The following ERC2 variants were observed in gnomAD, a reference collection of about 807,000 sequenced individuals.
ERC2 encodes the protein ELKS/RAB6-interacting/CAST family member 2, also known as ERC protein 2.
In ERC2, 42 loss-of-function variants were observed where a neutral mutation model predicts 114.8. That is an observed-to-expected ratio of 0.37 (90% CI 0.29 to 0.47). The LOEUF (loss-of-function observed/expected upper bound fraction) is 0.47. Ranked by LOEUF, ERC2 falls within the 20% of genes least tolerant of loss-of-function variation. The pLI is 0.99. For synonymous variants in ERC2, 454 were observed against 425.5 expected (o/e 1.07, Z -0.82); for missense variants, 939 against 1,150.7 (o/e 0.82, Z 2.66).
At chr3:55,663,851 G>A (rs966081131) in intron 17 of ERC2, among the ~76,000 whole-genome samples, 9 of 152,178 alleles carry the variant, frequency 5.9e-5, no homozygotes, top group Non-Finnish European at 1.0e-4. Context: ...AGGAATGCAA[G>A]GAACCCTGTT....
chr3:56,129,007 A>G (rs1000975081), intron 6 of ERC2, among the ~76,000 whole-genome samples: 2 of 152,214 alleles, frequency 1.3e-5, no homozygotes, highest in African/African-American at 4.8e-5. Context: ...ATGCAATAAA[A>G]TAAATTTCAC....
intron 3 of ERC2, among the ~76,000 whole-genome samples, chr3:56,262,804 A>G (rs1246885999): frequency 6.6e-6 from 1 of 152,218 alleles, no homozygotes; most frequent in Non-Finnish European, 1.5e-5. Flanking sequence ...TTTGGTATCA[A>G]TTGGTTCCAA....
intron 13 of ERC2, among the ~76,000 whole-genome samples, chr3:55,890,382 A>G (rs766474329): frequency 6.6e-6 from 1 of 152,120 alleles, no homozygotes; most frequent in South Asian, 2.1e-4. Context: ...TTTCTGTCAT[A>G]AATCGTTCTT....
chr3:55,515,484 C>T (rs1428685019), intron 17 of ERC2, among the ~76,000 whole-genome samples: 5 of 152,014 alleles, frequency 3.3e-5, no homozygotes, highest in Non-Finnish European at 2.9e-5. Context: ...TCTCCTGCCT[C>T]AGCCTCCCAA....
chr3:55,918,704 A>G lies in ERC2; in HGVS notation c.2404-30155T>C, dbSNP rs76694526. 4.0e-4 allele frequency among the ~76,000 whole-genome samples: 61 copies of G among 151,784 alleles called. 1 individual carries two copies. The East Asian group carries it at 0.011, about 27-fold the overall frequency. On this transcript the variant is annotated intron_variant, in intron 13 of 17. Coordinates refer to ENST00000288221, the MANE Select transcript of ERC2 (RefSeq NM_015576.3). ...AAGCTGATCCACCCTATCATAGGATAAGAAGCCATATGGAGATCTGAAGTG... is the reference window on the plus strand; with the variant it reads ...AAGCTGATCCACCCTATCATAGGATGAGAAGCCATATGGAGATCTGAAGTG...
intron 7 of ERC2, among the ~76,000 whole-genome samples, chr3:56,024,112 G>C (rs1252085984): frequency 6.6e-6 from 1 of 152,178 alleles, no homozygotes; most frequent in Non-Finnish European, 1.5e-5. Flanking sequence ...TAGAGTATCA[G>C]TTAATGTTAT....
At chr3:56,226,504 T>C (rs1346579531) in intron 3 of ERC2, among the ~76,000 whole-genome samples, 1 of 152,166 alleles carries the variant, frequency 6.6e-6, no homozygotes, top group East Asian at 1.9e-4. Flanking sequence ...CAGTGTGCTA[T>C]GACATTGTCA....
chr3:55,875,257 AG>A (rs1340949859), intron 14 of ERC2, among the ~76,000 whole-genome samples: 3 of 152,242 alleles, frequency 2.0e-5, no homozygotes, highest in African/African-American at 7.2e-5. Flanking sequence ...CTCAGGGCTC[AG>A]TGAACTGAAC....
intron 17 of ERC2, among the ~76,000 whole-genome samples, chr3:55,561,853 G>A (rs1260830228): frequency 6.6e-6 from 1 of 152,076 alleles, no homozygotes; most frequent in Non-Finnish European, 1.5e-5. Flanking sequence ...GTCATGAATG[G>A]GCACAGAACC....
intron 6 of ERC2, among the ~76,000 whole-genome samples, chr3:56,096,523 G>A (rs1236123505): frequency 2.6e-5 from 4 of 152,104 alleles, no homozygotes; most frequent in Non-Finnish European, 5.9e-5. Flanking sequence ...AAAAAAGGGT[G>A]AATGTACTAA....
At chr3:56,270,904 C>T (rs960216687) in intron 3 of ERC2, among the ~76,000 whole-genome samples, 1 of 152,148 alleles carries the variant, frequency 6.6e-6, no homozygotes, top group Non-Finnish European at 1.5e-5. Context: ...ATGGCATGAA[C>T]CCAGAAGGCA....
intron 17 of ERC2, among the ~76,000 whole-genome samples, chr3:55,666,731 A>G (rs868354343): frequency 2.4e-4 from 37 of 152,128 alleles, no homozygotes; most frequent in Middle Eastern, 6.8e-3. Context: ...CAAGACAAAG[A>G]AGTATCCAGC....
rs746322376 is a variant in ERC2 at position 56,434,798 on chromosome 3, C to A, written c.210G>T (p.Val70=). The A allele has an allele frequency of 6.2e-7, 1 of 1,613,912 alleles. No individual in the cohort carries two copies. Among genetic ancestry groups the A allele is most frequent in the Admixed American group, 1.7e-5 (1 of 60,020 alleles). Residue 70 remains valine, a synonymous_variant, in exon 2 of 18, where the codon GTG becomes GTT. Transcript: ENST00000288221. ...GPMYLSDHEG[V]ASTTYPKGTM... Reference sequence around the variant, plus strand: ...TGCCCTTTGGGTAGGTTGTTGAAGCCACCCCTTCATGATCACTCAGATACA... The same window carrying A: ...TGCCCTTTGGGTAGGTTGTTGAAGCAACCCCTTCATGATCACTCAGATACA...
At chr3:56,217,271 T>C (rs1293136290) in intron 3 of ERC2, among the ~76,000 whole-genome samples, 1 of 152,186 alleles carries the variant, frequency 6.6e-6, no homozygotes, top group Admixed American at 6.5e-5. Flanking sequence ...CTCCTTAAGC[T>C]GATAAGCAAC....
chr3:56,264,198 TACTC>T (rs1443514225), intron 3 of ERC2, among the ~76,000 whole-genome samples: 7 of 152,200 alleles, frequency 4.6e-5, no homozygotes, highest in Admixed American at 1.3e-4. Flanking sequence ...GCTAATATCA[TACTC>T]AATGGGGAAA....
rs368085683 is a variant in ERC2 at position 55,712,932 on chromosome 3, G to A, written c.2713-13420C>T. Among the ~76,000 whole-genome samples, 21 of 152,182 alleles carry A rather than the reference G, an allele frequency of 1.4e-4. No individual in the cohort carries two copies. In the South Asian group the frequency reaches 4.2e-3, roughly 30 times the overall value. On this transcript the variant is annotated intron_variant, in intron 15 of 17. Coordinates refer to ENST00000288221, the MANE Select transcript of ERC2 (RefSeq NM_015576.3). ...CCTTTGAGAGAATTCTTTGAATAAA[G>A]CCTGAAACTAAGTCTTCACATGTGT... is the stretch of plus-strand genomic sequence containing the variant.
At chr3:55,996,406 CT>C (rs1341297220) in intron 10 of ERC2, among the ~76,000 whole-genome samples, 2 of 152,142 alleles carry the variant, frequency 1.3e-5, no homozygotes, top group African/African-American at 4.8e-5. Flanking sequence ...AATAAGCATT[CT>C]TTCATTAATA....
rs529025335 is a variant in ERC2 at position 55,642,341 on chromosome 3, T to C, written c.*39+41453A>G. Among the ~76,000 whole-genome samples the C allele has an allele frequency of 1.9e-3, 93 of 48,686 alleles. 1 individual carries two copies. The highest frequency in any genetic ancestry group is 3.4e-3 in the African/African-American group (84 of 24,406). 31.9% of individuals were successfully genotyped at this position (48,686 alleles called of 152,430 possible). ...AGCTTTTTTTTTTTTCTTTTCTTTT[T>C]TTTTTTCTTTTTTGACAGAGTCTTG... is the stretch of plus-strand genomic sequence containing the variant. On this transcript the variant is annotated intron_variant, in intron 17 of 17. Coordinates refer to ENST00000288221, the MANE Select transcript of ERC2 (RefSeq NM_015576.3).
intron 13 of ERC2, among the ~76,000 whole-genome samples, chr3:55,906,809 T>A (rs1233621147): frequency 6.6e-6 from 1 of 152,202 alleles, no homozygotes; most frequent in Non-Finnish European, 1.5e-5. Context: ...CCCATGTTGA[T>A]GAGTGTTTCT....
Sources: allele counts gnomAD v4.1 joint callset (sites outside exome capture counted in the v4.1 genomes callset), GRCh38; gene constraint gnomAD v4.1.1; transcripts MANE v1.5; gene names NCBI Gene and HGNC (gene_info 2026-07-23, HGNC 2026-07-21).